The following TAB2 variants were observed in gnomAD, a reference collection of about 807,000 sequenced individuals.
TAB2 encodes TGF-beta activated kinase 1 (MAP3K7) binding protein 2, also known as TGF-beta-activated kinase 1 and MAP3K7-binding protein 2.
A neutral mutation model predicts 65.0 loss-of-function variants in TAB2; 3 were observed. That is an observed-to-expected ratio of 0.05 (90% CI 0.02 to 0.12). The LOEUF is 0.12. TAB2 is among the 10% of genes least tolerant of loss of function. The probability of loss-of-function intolerance (pLI) is 1.00; values close to 1 mark genes in which losing one functional copy is unlikely to be tolerated. For synonymous variants in TAB2, 298 were observed against 285.1 expected (o/e 1.05, Z -0.46); for missense variants, 623 against 840.3 (o/e 0.74, Z 3.20).
intron 1 of TAB2, among the ~76,000 whole-genome samples, chr6:149,302,440 G>A (rs1311358148): frequency 6.6e-6 from 1 of 152,100 alleles, no homozygotes; most frequent in Non-Finnish European, 1.5e-5. Context: ...CTAATAAAAG[G>A]TAGTTAATTG....
chr6:149,339,475 C>G (rs1187766513), intron 1 of TAB2, among the ~76,000 whole-genome samples: 1 of 152,056 alleles, frequency 6.6e-6, no homozygotes, highest in Non-Finnish European at 1.5e-5. Flanking sequence ...TTTTTAAATC[C>G]ACTTTAATAA....
intron 1 of TAB2, among the ~76,000 whole-genome samples, chr6:149,335,950 A>G (rs9498322): frequency 0.24 from 35,870 of 151,994 alleles, 4,430 homozygotes; most frequent in Non-Finnish European, 0.26. Context: ...AATGTTTCAC[A>G]TACTTTGCTG....
intron 3 of TAB2, chr6:149,379,827 AC>A: frequency 2.2e-6 from 1 of 453,272 alleles, no homozygotes; most frequent in Admixed American, 2.4e-5. Flanking sequence ...GGTGATGCTG[AC>A]TTTCTCTTTA....
At chr6:149,368,714 CA>C (rs1420163191) in intron 1 of TAB2, among the ~76,000 whole-genome samples, 15 of 150,452 alleles carry the variant, frequency 1.0e-4, no homozygotes, top group Admixed American at 9.9e-4. Flanking sequence ...ATCTACAATG[CA>C]AATAACTTGA....
intron 1 of TAB2, among the ~76,000 whole-genome samples, chr6:149,322,317 T>C (rs1206469834): frequency 6.6e-6 from 1 of 152,146 alleles, no homozygotes; most frequent in Admixed American, 6.5e-5. Context: ...ACATTGCTTA[T>C]TGAGCTTTTT....
At chr6:149,339,570 C>T (rs1780036949) in intron 1 of TAB2, among the ~76,000 whole-genome samples, 1 of 150,108 alleles carries the variant, frequency 6.7e-6, no homozygotes, top group African/African-American at 2.4e-5. Context: ...GAAGCACGGC[C>T]CAATAATTAA....
chr6:149,385,894 CA>C (rs2114910026), intron 3 of TAB2, among the ~76,000 whole-genome samples: 1 of 152,164 alleles, frequency 6.6e-6, no homozygotes, highest in South Asian at 2.1e-4. Context: ...AAAACAAATG[CA>C]ATAAAAATGT....
rs903827294 is a variant in TAB2 at position 149,410,602 on chromosome 6, T to G, written c.*883T>G. ...CTACTTATTCTGTACTTTGCCCTCA[T>G]GAGTTCCAATGTTGTGTGAAGACAG... On this transcript the variant is annotated 3_prime_UTR_variant, in exon 7 of 7. Coordinates refer to ENST00000637181, the MANE Select transcript of TAB2 (RefSeq NM_001292034.3). 6.6e-6 allele frequency: 1 copy of G among 152,650 alleles called. No individual in the cohort carries two copies. The highest frequency in any genetic ancestry group is 2.4e-5 in the African/African-American group (1 of 41,458). 9.5% of individuals were successfully genotyped at this position (152,650 alleles called of 1,614,324 possible).
At chr6:149,341,597 G>A (rs930937749) in intron 1 of TAB2, among the ~76,000 whole-genome samples, 62 of 152,242 alleles carry the variant, frequency 4.1e-4, no homozygotes, top group African/African-American at 1.3e-3. Context: ...TAATTTCAAA[G>A]CCATACTGAA....
Position 149,362,359 on chromosome 6 carries a change from A to G in TAB2, c.-89-7550A>G, listed in dbSNP as rs1490525188. 2.0e-5 allele frequency among the ~76,000 whole-genome samples: 3 copies of G among 152,202 alleles called. No individual in the cohort carries two copies. The East Asian group carries it at 5.8e-4, about 29-fold the overall frequency. On this transcript the variant is annotated intron_variant, in intron 1 of 6. Coordinates refer to ENST00000637181, the MANE Select transcript of TAB2 (RefSeq NM_001292034.3). ...AAGCTTACAGCTATGGCAGAAGGCA[A>G]AGGGGGAACCTGGATATCACATAGA...
chr6:149,324,270 G>T (rs1418399154), intron 1 of TAB2, among the ~76,000 whole-genome samples: 1 of 152,102 alleles, frequency 6.6e-6, no homozygotes, highest in East Asian at 1.9e-4. Context: ...TGGTAGAAAT[G>T]TGTGAATGCC....
intron 1 of TAB2, among the ~76,000 whole-genome samples, chr6:149,365,800 T>A (rs1283349268): frequency 6.6e-6 from 1 of 152,032 alleles, no homozygotes; most frequent in Non-Finnish European, 1.5e-5. Context: ...CTCCTCCCCC[T>A]CGCCCACAGT....
chr6:149,395,798 A>G (rs989618025), intron 3 of TAB2, among the ~76,000 whole-genome samples: 1 of 151,734 alleles, frequency 6.6e-6, no homozygotes, highest in Non-Finnish European at 1.5e-5. Context: ...TTCAGCAGCT[A>G]TCTGTGATTG....
intron 6 of TAB2, chr6:149,400,654 A>G (rs1782351660): frequency 6.2e-7 from 1 of 1,614,210 alleles, no homozygotes; most frequent in East Asian, 2.2e-5. Flanking sequence ...GATGTGTTTC[A>G]ACAGCCTACG....
intron 1 of TAB2, among the ~76,000 whole-genome samples, chr6:149,351,320 C>T (rs1780482500): frequency 6.6e-6 from 1 of 152,162 alleles, no homozygotes; most frequent in African/African-American, 2.4e-5. Context: ...ATTCTGCAAC[C>T]AGGGTAATAT....
intron 1 of TAB2, among the ~76,000 whole-genome samples, chr6:149,293,651 G>T (rs1352375615): frequency 3.3e-5 from 5 of 152,170 alleles, no homozygotes; most frequent in African/African-American, 1.2e-4. Context: ...TTTTCAGATA[G>T]TTAATAAATT....
At chr6:149,371,387 G>A (rs1562439005) in intron 2 of TAB2, among the ~76,000 whole-genome samples, 1 of 152,072 alleles carries the variant, frequency 6.6e-6, no homozygotes, top group Non-Finnish European at 1.5e-5. Flanking sequence ...CAAGGTCTGT[G>A]ATCTGGAATC....
intron 1 of TAB2, among the ~76,000 whole-genome samples, chr6:149,308,069 A>G (rs1260677017): frequency 3.3e-5 from 5 of 152,206 alleles, no homozygotes; most frequent in Non-Finnish European, 7.3e-5. Context: ...TTTAACCACT[A>G]CATCTTATTT....
intron 1 of TAB2, among the ~76,000 whole-genome samples, chr6:149,366,272 A>G (rs1346464986): frequency 6.6e-6 from 1 of 152,200 alleles, no homozygotes; most frequent in Non-Finnish European, 1.5e-5. Flanking sequence ...ACTACACTTA[A>G]AGTATAAGCT....
Sources: gnomAD v4.1 joint callset for allele counts (sites outside exome capture counted in the v4.1 genomes callset) on GRCh38, gnomAD v4.1.1 for gene constraint, MANE v1.5 for transcripts, NCBI Gene and HGNC (gene_info 2026-07-23, HGNC 2026-07-21) for gene names.